PRDM5: variants seen among roughly 807,000 people sequenced by gnomAD.
The protein encoded by PRDM5 is PR/SET domain 5.
PRDM5 carries 56 observed loss-of-function variants against 81.2 expected under a neutral mutation model. The observed-to-expected ratio is 0.69, with a 90% CI of 0.56 to 0.86. PRDM5 has a LOEUF of 0.86. PRDM5 is among the 40% of genes least tolerant of loss of function. The probability of loss-of-function intolerance (pLI) is 0.00; values close to 1 mark genes in which losing one functional copy is unlikely to be tolerated. For synonymous variants in PRDM5, 267 were observed against 256.4 expected (o/e 1.04, Z -0.39); for missense variants, 697 against 770.1 (o/e 0.91, Z 1.12).
intron 14 of PRDM5, among the ~76,000 whole-genome samples, chr4:120,712,201 G>A (rs1469987450): frequency 2.6e-5 from 4 of 152,058 alleles, no homozygotes; most frequent in South Asian, 2.1e-4. Flanking sequence ...CAGGAGAATC[G>A]CTTGAACCCA....
At chr4:120,696,341 A>G (rs1734512622) in intron 15 of PRDM5, among the ~76,000 whole-genome samples, 1 of 152,136 alleles carries the variant, frequency 6.6e-6, no homozygotes, top group Admixed American at 6.6e-5. Flanking sequence ...CTTTTTACAC[A>G]GTACCTGTCA....
intron 2 of PRDM5, among the ~76,000 whole-genome samples, chr4:120,867,558 T>C (rs967036943): frequency 6.6e-6 from 1 of 152,208 alleles, no homozygotes; most frequent in Non-Finnish European, 1.5e-5. Flanking sequence ...ATATTTTTTC[T>C]ATTGCTCTTT....
chr4:120,876,850 A>G (rs1395670915), intron 2 of PRDM5, among the ~76,000 whole-genome samples: 1 of 152,168 alleles, frequency 6.6e-6, no homozygotes, highest in Non-Finnish European at 1.5e-5. Context: ...AGGATGTACT[A>G]TGTTTTATAT....
At chr4:120,874,028 A>G (rs1762108622) in intron 2 of PRDM5, among the ~76,000 whole-genome samples, 1 of 152,174 alleles carries the variant, frequency 6.6e-6, no homozygotes, top group African/African-American at 2.4e-5. Flanking sequence ...TTTCATACAC[A>G]TATATTAATG....
At chr4:120,873,146 C>T (rs1249665454) in intron 2 of PRDM5, among the ~76,000 whole-genome samples, 1 of 152,054 alleles carries the variant, frequency 6.6e-6, no homozygotes, top group Non-Finnish European at 1.5e-5. Flanking sequence ...GGACTACAGA[C>T]ATGTGACACC....
At chr4:120,687,693 A>C (rs951136682), downstream of PRDM5, among the ~76,000 whole-genome samples, 1 of 152,166 alleles carries the variant, frequency 6.6e-6, no homozygotes, top group African/African-American at 2.4e-5. Context: ...CCATTGTAAC[A>C]GTATTAAGAG....
At chr4:120,810,244 T>C (rs1753636922) in intron 8 of PRDM5, among the ~76,000 whole-genome samples, 1 of 152,018 alleles carries the variant, frequency 6.6e-6, no homozygotes, top group Non-Finnish European at 1.5e-5. Flanking sequence ...CTCTAAGATT[T>C]AAATGGGTCA....
At chr4:120,724,894 T>C (rs1739164136) in intron 14 of PRDM5, among the ~76,000 whole-genome samples, 1 of 152,086 alleles carries the variant, frequency 6.6e-6, no homozygotes. Flanking sequence ...GGAAATCATA[T>C]CAATATAAAT....
chr4:120,708,054 A>T (rs1736453134), intron 15 of PRDM5, among the ~76,000 whole-genome samples: 1 of 152,134 alleles, frequency 6.6e-6, no homozygotes, highest in South Asian at 2.1e-4. Context: ...TGCTGATGGA[A>T]ATGTAAAATG....
intron 10 of PRDM5, among the ~76,000 whole-genome samples, chr4:120,792,105 CA>C (rs1375343991): frequency 6.6e-6 from 1 of 152,134 alleles, no homozygotes; most frequent in African/African-American, 2.4e-5. Flanking sequence ...TGTGCAAACC[CA>C]TTACAAACTG....
At chr4:120,690,655 G>A (rs539162672), downstream of PRDM5, among the ~76,000 whole-genome samples, 67 of 152,206 alleles carry the variant, frequency 4.4e-4, no homozygotes, top group African/African-American at 1.5e-3. Context: ...TCAAAAAATA[G>A]TAATGGAGTG....
chr4:120,912,141 G>C (rs977309722), intron 1 of PRDM5, among the ~76,000 whole-genome samples: 1 of 152,136 alleles, frequency 6.6e-6, no homozygotes, highest in African/African-American at 2.4e-5. Flanking sequence ...TTAGGCAAAA[G>C]GTTGATGGTG....
chr4:120,833,790 C>G (rs2149375713), intron 3 of PRDM5, among the ~76,000 whole-genome samples: 1 of 152,176 alleles, frequency 6.6e-6, no homozygotes, highest in East Asian at 1.9e-4. Context: ...TGGAACATAT[C>G]CCCGAAGAGG....
chr4:120,876,283 C>T (rs2148561837), intron 2 of PRDM5, among the ~76,000 whole-genome samples: 1 of 152,304 alleles, frequency 6.6e-6, no homozygotes, highest in Middle Eastern at 3.4e-3. Flanking sequence ...ACCTGCAGCT[C>T]TTCTTGCTGG....
chr4:120,922,463 G>GGCACAGGGCGCGCGAGGTGCAGGGGC, intron 1 of PRDM5, 53 bp downstream of exon 1: 1 of 1,421,162 alleles, frequency 7.0e-7, no homozygotes, highest in African/African-American at 1.5e-5. Context: ...GACTCCGGGA[G>GGCACAGGGCGCGCGAGGTGCAGGGGC]GCACAGGGCG....
intron 2 of PRDM5, among the ~76,000 whole-genome samples, chr4:120,902,942 A>G (rs1452828286): frequency 6.6e-6 from 1 of 152,192 alleles, no homozygotes; most frequent in Non-Finnish European, 1.5e-5. Flanking sequence ...CACACCTACC[A>G]GGAGGCTCAA....
intron 3 of PRDM5, among the ~76,000 whole-genome samples, chr4:120,833,580 T>C (rs1193697463): frequency 1.3e-5 from 2 of 152,160 alleles, no homozygotes; most frequent in Non-Finnish European, 1.5e-5. Flanking sequence ...TCTTCTACCA[T>C]AACATTTTGA....
intron 13 of PRDM5, among the ~76,000 whole-genome samples, chr4:120,757,071 A>G (rs1225218002): frequency 6.6e-6 from 1 of 152,214 alleles, no homozygotes; most frequent in Non-Finnish European, 1.5e-5. Context: ...ATAATATACC[A>G]GGTTACTATT....
intron 1 of PRDM5, among the ~76,000 whole-genome samples, chr4:120,919,550 G>A (rs1401957329): frequency 2.6e-5 from 4 of 152,090 alleles, no homozygotes; most frequent in Admixed American, 2.6e-4. Context: ...ACCACCCACT[G>A]GTGGTTAATC....
Sources: allele counts gnomAD v4.1 joint callset (sites outside exome capture counted in the v4.1 genomes callset), GRCh38; gene constraint gnomAD v4.1.1; transcripts MANE v1.5; gene names NCBI Gene and HGNC (gene_info 2026-07-23, HGNC 2026-07-21).